Variants in GRAMD2B observed in about 807,000 individuals in gnomAD.
The protein encoded by GRAMD2B is GRAM domain-containing protein 2B.
A neutral mutation model predicts 59.2 loss-of-function variants in GRAMD2B; 41 were observed. That is an observed-to-expected ratio of 0.69 (90% CI 0.54 to 0.90). The LOEUF is 0.90. Ranked by LOEUF, GRAMD2B falls within the 40% of genes least tolerant of loss-of-function variation. The probability of loss-of-function intolerance (pLI) is 0.00; values close to 1 mark genes in which losing one functional copy is unlikely to be tolerated. For missense variants in GRAMD2B, 424 were observed against 500.5 expected (o/e 0.85, Z 1.46); for synonymous variants, 161 against 182.7 (o/e 0.88, Z 0.96).
chr5:126,484,483 A>G lies in GRAMD2B; in HGVS notation c.929A>G (p.Asn310Ser), dbSNP rs1305479055. 6.2e-7 allele frequency: 1 copy of G among 1,614,192 alleles called. No individual in the cohort carries two copies. The highest frequency in any genetic ancestry group is 1.3e-5 in the African/African-American group (1 of 75,068). Reference protein sequence around the residue: ...AKPTRADAHVNRVPEGKAKSL... With the variant: ...AKPTRADAHVSRVPEGKAKSL... ...CCAACTCGGGCAGATGCCCATGTGA[A>G]CAGAGTACCTGAAGGAAAAGCCAAG... Residue 310 changes from asparagine (N) to serine (S), a missense_variant, in exon 10 of 14, where the codon AAC becomes AGC. Asn to Ser is a conservative substitution (Grantham distance 46). Coordinates refer to ENST00000285689, the MANE Select transcript of GRAMD2B (RefSeq NM_023927.4).
chr5:126,465,063 A>T, intron 1 of GRAMD2B: 1 of 1,043,642 alleles, frequency 9.6e-7, no homozygotes, highest in Non-Finnish European at 1.2e-6. Context: ...GCAGGAGGCC[A>T]CACGTGAGCG....
intron 1 of GRAMD2B, among the ~76,000 whole-genome samples, chr5:126,387,015 C>T (rs773785504): frequency 1.2e-4 from 19 of 152,020 alleles, no homozygotes; most frequent in East Asian, 3.9e-4. Flanking sequence ...AAAGGGAAAA[C>T]GAAAGGTGCA....
intron 1 of GRAMD2B, among the ~76,000 whole-genome samples, chr5:126,392,812 AC>A (rs1281644188): frequency 6.6e-6 from 1 of 152,058 alleles, no homozygotes; most frequent in African/African-American, 2.4e-5. Flanking sequence ...AGGAGCACTG[AC>A]CCTAGATCTC....
chr5:126,475,372 C>G (rs1770383621), intron 5 of GRAMD2B, among the ~76,000 whole-genome samples: 1 of 152,086 alleles, frequency 6.6e-6, no homozygotes, highest in African/African-American at 2.4e-5. Context: ...AATTTCTAGC[C>G]CTTTGTCACT....
At chr5:126,360,701 T>C (rs1166561885) in intron 1 of GRAMD2B, among the ~76,000 whole-genome samples, 1 of 152,172 alleles carries the variant, frequency 6.6e-6, no homozygotes, top group African/African-American at 2.4e-5. Context: ...ATAGGTGTAT[T>C]GCACAAAACT....
rs1760056686 is a variant in GRAMD2B at position 126,423,689 on chromosome 5, A to G, written c.83A>G (p.His28Arg). ...GKRESKLGSA[H>R]SEAENGVEEK... is the part of the protein sequence containing the mutation. ...AGGGAGAGCAAACTTGGCTCAGCCC[A>G]GTGAGTATTCTCAGCTGGGACCCAT... is the stretch of plus-strand genomic sequence containing the variant. Residue 28 changes from histidine (H) to arginine (R), a missense_variant and splice_region_variant, in exon 1 of 14, where the codon CAC becomes CGC. His to Arg is a conservative substitution (Grantham distance 29). Transcript: ENST00000285689. 6.2e-7 allele frequency: 1 copy of G among 1,605,796 alleles called. No homozygotes were observed. Among genetic ancestry groups the G allele is most frequent in the South Asian group, 1.1e-5 (1 of 89,078 alleles).
At chr5:126,489,318 T>G (rs558916531) in intron 13 of GRAMD2B, among the ~76,000 whole-genome samples, 1 of 152,304 alleles carries the variant, frequency 6.6e-6, no homozygotes, top group East Asian at 1.9e-4. Context: ...GTAAGTCCTA[T>G]TAGAACCATG....
intron 1 of GRAMD2B, among the ~76,000 whole-genome samples, chr5:126,445,202 G>GGTAC (rs1763989929): frequency 1.3e-5 from 2 of 151,888 alleles, no homozygotes; most frequent in South Asian, 4.1e-4. Context: ...TGTTCCTTTG[G>GGTAC]GTACATACCC....
chr5:126,486,965 C>T lies in GRAMD2B; in HGVS notation c.1151C>T (p.Thr384Ile), dbSNP rs771290103. The T allele has an allele frequency of 6.3e-7, 1 of 1,575,676 alleles. No individual in the cohort carries two copies. Among genetic ancestry groups the T allele is most frequent in the South Asian group, 1.1e-5 (1 of 90,228 alleles). ...GGGTTACTAACCTCCATTGTGGACACCCATAATACTGAGTAAGACGATTGC... is the reference window on the plus strand; with the variant it reads ...GGGTTACTAACCTCCATTGTGGACATCCATAATACTGAGTAAGACGATTGC... Reference protein sequence around the residue: ...QLGLLTSIVDTHNTEQAAPSG... With the variant: ...QLGLLTSIVDIHNTEQAAPSG... The change falls in exon 12 of 14, where the codon ACC becomes ATC. Residue 384 changes from threonine to isoleucine, a missense_variant. Physicochemically the swap from Thr to Ile is moderately conservative, Grantham distance 89. Transcript: ENST00000285689.
intron 10 of GRAMD2B, among the ~76,000 whole-genome samples, chr5:126,484,981 CAAACA>C (rs1446194642): frequency 6.6e-6 from 1 of 152,168 alleles, no homozygotes; most frequent in Non-Finnish European, 1.5e-5. Flanking sequence ...ATTCTTTTAG[CAAACA>C]GTACCCAGTT....
At chr5:126,472,905 T>C (rs1467907002) in intron 4 of GRAMD2B, among the ~76,000 whole-genome samples, 1 of 152,184 alleles carries the variant, frequency 6.6e-6, no homozygotes, top group Non-Finnish European at 1.5e-5. Flanking sequence ...CCATGTATTT[T>C]GAAAACAGTC....
rs996761114 is a variant in GRAMD2B at position 126,483,679 on chromosome 5, C to T, written c.847+105C>T. 7.0e-5 allele frequency: 44 copies of T among 628,986 alleles called. No homozygotes were observed. In the Admixed American group the frequency reaches 1.2e-3, roughly 17 times the overall value. The allele number at this position is 628,986 out of a possible 1,614,324, so 39.0% of individuals were successfully genotyped here. A position where few individuals can be genotyped will look rare whatever the true frequency, so the allele number is the denominator to read the frequency against. ...AAAAGAAAAGAAAGAAAAAAACCCA[C>T]ATTGTCTTCCTAGTTAAAAATCAGG... is the stretch of plus-strand genomic sequence containing the variant. On this transcript the variant is annotated intron_variant, in intron 9 of 13. Coordinates refer to ENST00000285689, the MANE Select transcript of GRAMD2B (RefSeq NM_023927.4).
At chr5:126,371,362 GC>G (rs1458645326) in exon 1 of GRAMD2B, 30 of 1,211,336 alleles carry the variant, frequency 2.5e-5, no homozygotes, top group Non-Finnish European at 2.8e-5. Flanking sequence ...AAGCTGAAAC[GC>G]AGAGATTTTC....
At chr5:126,374,130 A>G (rs978123761) in intron 1 of GRAMD2B, among the ~76,000 whole-genome samples, 27 of 152,238 alleles carry the variant, frequency 1.8e-4, no homozygotes, top group African/African-American at 6.3e-4. Context: ...ATCATAGATT[A>G]TGAACATGAT....
intron 1 of GRAMD2B, among the ~76,000 whole-genome samples, chr5:126,388,379 TAAAC>T (rs1561468996): frequency 6.6e-6 from 1 of 151,828 alleles, no homozygotes; most frequent in African/African-American, 2.4e-5. Context: ...TCTCAAAAAA[TAAAC>T]AAACAAATTA....
chr5:126,472,336 A>G (rs1416876964), intron 4 of GRAMD2B, 32 bp downstream of exon 4: 2 of 1,560,774 alleles, frequency 1.3e-6, no homozygotes, highest in African/African-American at 1.4e-5. Flanking sequence ...TTTTTAAGCT[A>G]CATATTTGAA....
intron 12 of GRAMD2B, 131 bp from the exon 13 acceptor site, chr5:126,488,668 T>C (rs748385931): frequency 3.3e-6 from 2 of 606,968 alleles, no homozygotes; most frequent in Non-Finnish European, 5.9e-6. Context: ...CTTTGTCTAA[T>C]ATTAACAAAT....
chr5:126,482,906 T>G (rs1484220042), intron 8 of GRAMD2B, among the ~76,000 whole-genome samples: 1 of 152,230 alleles, frequency 6.6e-6, no homozygotes, highest in African/African-American at 2.4e-5. Flanking sequence ...TACATCATCT[T>G]TCTAAAATTT....
chr5:126,387,812 A>G (rs1756311430), intron 1 of GRAMD2B, among the ~76,000 whole-genome samples: 1 of 152,206 alleles, frequency 6.6e-6, no homozygotes, highest in Non-Finnish European at 1.5e-5. Flanking sequence ...TTCTGGGGAA[A>G]AAATGAAGAA....
Sources: allele counts gnomAD v4.1 joint callset (sites outside exome capture counted in the v4.1 genomes callset), GRCh38; gene constraint gnomAD v4.1.1; transcripts MANE v1.5; gene names NCBI Gene and HGNC (gene_info 2026-07-23, HGNC 2026-07-21).